The following PDE10A variants were observed in gnomAD, a reference collection of about 807,000 sequenced individuals.
The protein encoded by PDE10A is phosphodiesterase 10A, also known as cAMP and cAMP-inhibited cGMP 3',5'-cyclic phosphodiesterase 10A.
A neutral mutation model predicts 97.7 loss-of-function variants in PDE10A; 39 were observed. That is an observed-to-expected ratio of 0.40 (90% CI 0.31 to 0.52). The LOEUF (loss-of-function observed/expected upper bound fraction) is 0.52. PDE10A is among the 20% of genes least tolerant of loss of function. The probability of loss-of-function intolerance (pLI) is 0.56; values close to 1 mark genes in which losing one functional copy is unlikely to be tolerated. For synonymous variants in PDE10A, 371 were observed against 376.8 expected, an observed-to-expected ratio of 0.98 and a Z score of 0.18; for missense variants, 731 against 1,047.8, an observed-to-expected ratio of 0.70 and a Z score of 4.17.
chr6:165,698,747 G>A (rs1421092477), intron 1 of PDE10A, among the ~76,000 whole-genome samples: 2 of 152,052 alleles, frequency 1.3e-5, no homozygotes, highest in Non-Finnish European at 2.9e-5. Flanking sequence ...CTACTCAAGA[G>A]GCTGAATTGT....
intron 1 of PDE10A, among the ~76,000 whole-genome samples, chr6:165,753,051 G>A (rs117802847): frequency 0.011 from 1,679 of 152,282 alleles, 12 homozygotes; most frequent in Non-Finnish European, 0.017. Flanking sequence ...GTATCTATGC[G>A]TAGCTGTCAA....
intron 1 of PDE10A, chr6:165,894,663 C>T (rs983686672): frequency 2.6e-6 from 1 of 385,242 alleles, no homozygotes; most frequent in Non-Finnish European, 5.2e-6. Flanking sequence ...GGGCTGGCCA[C>T]ATAGCACCTT....
At chr6:165,825,990 A>G (rs116320299) in intron 1 of PDE10A, among the ~76,000 whole-genome samples, 242 of 152,332 alleles carry the variant, frequency 1.6e-3, no homozygotes, top group African/African-American at 5.5e-3. Context: ...AAAGGAAAAG[A>G]AGCATTCCAA....
intron 13 of PDE10A, among the ~76,000 whole-genome samples, chr6:165,401,517 A>C (rs1786662848): frequency 6.6e-6 from 1 of 152,234 alleles, no homozygotes. Context: ...TTAACTGAAC[A>C]ACTGTACCAA....
rs535598259 is a variant in PDE10A, at chr6:165,863,904, TA to T, written c.-615+123624del. ...AATCCCCAACCAAGAAATCAAGATG[TA>T]ACCAACTTGAAGCATGGCTGTATTA... On this transcript the variant is annotated intron_variant, in intron 1 of 19. Coordinates refer to the PDE10A transcript ENST00000366882. 1.7e-3 allele frequency among the ~76,000 whole-genome samples: 260 copies of T among 152,352 alleles called. 1 individual carries two copies. The highest frequency in any genetic ancestry group is 6.1e-3 in the African/African-American group (252 of 41,588).
intron 1 of PDE10A, among the ~76,000 whole-genome samples, chr6:165,854,499 C>T (rs897666164): frequency 6.6e-6 from 1 of 152,214 alleles, no homozygotes; most frequent in Non-Finnish European, 1.5e-5. Context: ...GGGCGGCTCT[C>T]GCGGCCAGAC....
In PDE10A at chr6:165,392,757, C is replaced by A. The variant is rs140574045; in HGVS notation, c.2343G>T (p.Val781=). Residue 781 remains valine (V), a synonymous_variant, in exon 16 of 22, where the codon GTG becomes GTT. Transcript: ENST00000539869. ...AAGGAACCCGCCGATAGTTCTTCTT[C>A]ACAGACATAATAAAACGACACAACT... The part of the protein sequence containing the change: ...LEKLCRFIMS[V]KKNYRRVPYH... The A allele has an allele frequency of 1.2e-5, 19 of 1,613,878 alleles. No individual in the cohort carries two copies. The African/African-American group carries it at 2.4e-4, about 20-fold the overall frequency.
intron 1 of PDE10A, among the ~76,000 whole-genome samples, chr6:165,888,036 G>A (rs9356402): frequency 0.25 from 38,044 of 151,968 alleles, 5,614 homozygotes; most frequent in African/African-American, 0.41. Context: ...GAGACATGCT[G>A]GGGATGCTCG....
At chr6:165,558,799 G>A (rs771630356) in intron 1 of PDE10A, among the ~76,000 whole-genome samples, 9 of 152,124 alleles carry the variant, frequency 5.9e-5, no homozygotes, top group Non-Finnish European at 1.2e-4. Flanking sequence ...AGATGGATAA[G>A]CATGCTGCAA....
intron 10 of PDE10A, among the ~76,000 whole-genome samples, chr6:165,426,642 C>A (rs977673395): frequency 7.9e-5 from 12 of 152,222 alleles, no homozygotes; most frequent in Admixed American, 2.6e-4. Context: ...AAATTAAAAT[C>A]TTTTGTGCCT....
At chr6:165,854,797 C>A (rs575035168) in intron 1 of PDE10A, among the ~76,000 whole-genome samples, 19 of 152,224 alleles carry the variant, frequency 1.2e-4, no homozygotes, top group Admixed American at 7.2e-4. Context: ...GAGCGCAGGG[C>A]GCGCCAGGCA....
chr6:165,789,944 G>A (rs1434576447), intron 1 of PDE10A, among the ~76,000 whole-genome samples: 1 of 152,192 alleles, frequency 6.6e-6, no homozygotes, highest in Non-Finnish European at 1.5e-5. Flanking sequence ...ACGGGATGGT[G>A]TGGAGAGTGA....
intron 1 of PDE10A, among the ~76,000 whole-genome samples, chr6:165,732,335 A>G (rs945047406): frequency 7.2e-5 from 11 of 152,150 alleles, no homozygotes; most frequent in African/African-American, 1.2e-4. Flanking sequence ...TCAGGGCTGG[A>G]AGCTGACCTG....
At chr6:165,986,216 C>G (rs2128505275) in intron 1 of PDE10A, 1 of 153,032 alleles carries the variant, frequency 6.5e-6, no homozygotes, top group South Asian at 2.1e-4. Flanking sequence ...TTCGACATCT[C>G]TGCCCAGGGC....
At chr6:165,579,064 A>AT (rs1451415988) in intron 1 of PDE10A, among the ~76,000 whole-genome samples, 2 of 152,240 alleles carry the variant, frequency 1.3e-5, no homozygotes, top group Non-Finnish European at 1.5e-5. Context: ...CCAAGAAGGC[A>AT]TGAAGGATCA....
At chr6:165,771,731 G>C (rs1778017364) in intron 1 of PDE10A, among the ~76,000 whole-genome samples, 1 of 151,634 alleles carries the variant, frequency 6.6e-6, no homozygotes, top group Admixed American at 6.6e-5. Context: ...AAGTCATTCA[G>C]GCTTTAGGTT....
rs187615143 is a variant in PDE10A at position 165,400,030 on chromosome 6, C to T, written c.2077-3571G>A. On this transcript the variant is annotated intron_variant, in intron 13 of 21. Coordinates refer to ENST00000539869, the MANE Select transcript of PDE10A (RefSeq NM_001385079.1). The stretch of plus-strand genomic sequence containing the variant: ...AAATACAGAAATAGGACCACACAGA[C>T]GGTCAGCTGATTTTCAGCAAGGCTG... Among the ~76,000 whole-genome samples the T allele has an allele frequency of 5.9e-5, 9 of 152,216 alleles. No homozygotes were observed. In the East Asian group the frequency reaches 9.7e-4, roughly 16 times the overall value.
intron 1 of PDE10A, among the ~76,000 whole-genome samples, chr6:165,559,665 T>C (rs1784428565): frequency 6.6e-6 from 1 of 152,160 alleles, no homozygotes; most frequent in Non-Finnish European, 1.5e-5. Flanking sequence ...GTCCCTAATA[T>C]GGTTTGGCTC....
intron 1 of PDE10A, among the ~76,000 whole-genome samples, chr6:165,907,051 G>A (rs1459458487): frequency 6.6e-6 from 1 of 152,208 alleles, no homozygotes; most frequent in Non-Finnish European, 1.5e-5. Flanking sequence ...GGCAATCACA[G>A]AGCAGGGCCT....
Sources: gnomAD v4.1 joint callset for allele counts (sites outside exome capture counted in the v4.1 genomes callset) on GRCh38, gnomAD v4.1.1 for gene constraint, MANE v1.5 for transcripts, NCBI Gene and HGNC (gene_info 2026-07-23, HGNC 2026-07-21) for gene names.